Variants in CPEB3 observed in about 807,000 individuals in gnomAD.
The protein encoded by CPEB3 is cytoplasmic polyadenylation element-binding protein 3.
Under a neutral mutation model 67.2 loss-of-function variants are expected in CPEB3, and 20 were observed. The ratio of observed to expected loss-of-function variants is 0.30; its 90% CI spans 0.21 to 0.43. The LOEUF (loss-of-function observed/expected upper bound fraction) is 0.43, where lower values mean the gene tolerates loss of function less well. Ranked by LOEUF, CPEB3 falls within the 20% of genes least tolerant of loss-of-function variation. The pLI is 1.00. For missense variants in CPEB3, 746 were observed against 968.6 expected (o/e 0.77, Z 3.05); for synonymous variants, 376 against 393.1 (o/e 0.96, Z 0.51).
At chr10:92,145,413 G>C (rs1771990246) in intron 4 of CPEB3, among the ~76,000 whole-genome samples, 1 of 152,154 alleles carries the variant, frequency 6.6e-6, no homozygotes, top group African/African-American at 2.4e-5. Flanking sequence ...CGCATCACCT[G>C]AGGTCAGGAG....
intron 2 of CPEB3, among the ~76,000 whole-genome samples, chr10:92,223,571 T>C (rs1850803913): frequency 7.5e-6 from 1 of 132,926 alleles, no homozygotes; most frequent in African/African-American, 2.8e-5. Flanking sequence ...TTATTTCTTT[T>C]TTTTTTTTTT....
At chr10:92,196,867 G>A (rs1357014911) in intron 2 of CPEB3, among the ~76,000 whole-genome samples, 2 of 151,934 alleles carry the variant, frequency 1.3e-5, no homozygotes, top group Admixed American at 6.6e-5. Context: ...GGGAGGTGGA[G>A]GTTGCAGTGA....
chr10:92,077,162 A>G (rs562054348), intron 9 of CPEB3, among the ~76,000 whole-genome samples: 1 of 152,336 alleles, frequency 6.6e-6, no homozygotes, highest in Non-Finnish European at 1.5e-5. Context: ...TACCTAAGGA[A>G]ATACAAAAGT....
chr10:92,157,605 A>T (rs1847267242), intron 4 of CPEB3, among the ~76,000 whole-genome samples: 1 of 152,176 alleles, frequency 6.6e-6, no homozygotes, highest in South Asian at 2.1e-4. Flanking sequence ...AGCTTCATTT[A>T]CTTCCGGGGT....
At chr10:92,220,924 C>T (rs1850670305) in intron 2 of CPEB3, among the ~76,000 whole-genome samples, 1 of 152,136 alleles carries the variant, frequency 6.6e-6, no homozygotes, top group African/African-American at 2.4e-5. Context: ...GAAAGTCTAC[C>T]AGTGAGACCC....
At chr10:92,170,674 G>C (rs867330220) in intron 4 of CPEB3, among the ~76,000 whole-genome samples, 1 of 152,088 alleles carries the variant, frequency 6.6e-6, no homozygotes, top group Non-Finnish European at 1.5e-5. Context: ...AGGAAGGGAG[G>C]GAGGGAGAGA....
At chr10:92,232,466 A>G (rs1407895661) in intron 2 of CPEB3, among the ~76,000 whole-genome samples, 1 of 152,010 alleles carries the variant, frequency 6.6e-6, no homozygotes, top group East Asian at 1.9e-4. Flanking sequence ...CCCTTGAAAT[A>G]CATCAAATTG....
intron 6 of CPEB3, among the ~76,000 whole-genome samples, chr10:92,131,753 G>C (rs1845852281): frequency 6.6e-6 from 1 of 152,098 alleles, no homozygotes. Context: ...CAATTCTGTG[G>C]GCCATTTTGG....
chr10:92,091,903 T>C lies in CPEB3; in HGVS notation c.1614A>G (p.Val538=), dbSNP rs1421108646. The C allele has an allele frequency of 4.3e-6, 7 of 1,613,780 alleles. No homozygotes were observed. Among genetic ancestry groups the C allele is most frequent in the Non-Finnish European group, 5.9e-6 (7 of 1,179,950 alleles). Residue 538 remains valine (V), a synonymous_variant, in exon 8 of 10, where the codon GTA becomes GTG. Transcript: ENST00000265997. Reference sequence around the variant, plus strand: ...GGTCCAAAGGCTGAGAACCATCCATTACAAAGTCACTGTCACTTAGGTTCC... The same window carrying C: ...GGTCCAAAGGCTGAGAACCATCCATCACAAAGTCACTGTCACTTAGGTTCC... ...RPWNLSDSDF[V]MDGSQPLDPR... is the part of the protein sequence containing the mutation.
chr10:92,224,170 G>A lies in CPEB3; in HGVS notation c.1005+15176C>T, dbSNP rs536460319. The stretch of plus-strand genomic sequence containing the variant: ...CCACCACAGCCTCCCAAAGTGCTGG[G>A]ATTACAGGCGTGAGCCACCGTGCCC... On this transcript the variant is annotated intron_variant, in intron 2 of 9. Coordinates refer to ENST00000265997, the MANE Select transcript of CPEB3 (RefSeq NM_014912.5). 2.6e-5 allele frequency among the ~76,000 whole-genome samples: 4 copies of A among 152,304 alleles called. No homozygotes were observed. In the East Asian group the frequency reaches 7.7e-4, roughly 29 times the overall value.
intron 2 of CPEB3, among the ~76,000 whole-genome samples, chr10:92,223,084 C>G (rs1418396552): frequency 6.6e-6 from 1 of 152,146 alleles, no homozygotes; most frequent in Non-Finnish European, 1.5e-5. Flanking sequence ...CTGTCCTTTG[C>G]AAAGCCAGGC....
rs1841879885 is a variant in CPEB3, at chr10:92,051,015, C to T, written c.*1197G>A. On this transcript the variant is annotated 3_prime_UTR_variant, in exon 10 of 10. Transcript: ENST00000265997. ...ATCACAGTTAGACATAATCACTTTA[C>T]TATATAAAATAAATTTCACAATATA... is the stretch of plus-strand genomic sequence containing the variant. 2 of 152,582 alleles carry T rather than the reference C, an allele frequency of 1.3e-5. No homozygotes were observed. Among genetic ancestry groups the T allele is most frequent in the Non-Finnish European group, 2.9e-5 (2 of 68,032 alleles). 9.5% of individuals were successfully genotyped at this position (152,582 alleles called of 1,614,324 possible). A position where few individuals can be genotyped will look rare whatever the true frequency, so the allele number is the denominator to read the frequency against.
chr10:92,105,833 C>T (rs1844421209), intron 7 of CPEB3, among the ~76,000 whole-genome samples: 2 of 151,320 alleles, frequency 1.3e-5, no homozygotes, highest in Non-Finnish European at 2.9e-5. Flanking sequence ...AATTCTGCCA[C>T]AGCCCACCAG....
intron 2 of CPEB3, among the ~76,000 whole-genome samples, chr10:92,212,621 G>A (rs576001421): frequency 6.6e-6 from 1 of 152,200 alleles, no homozygotes; most frequent in African/African-American, 2.4e-5. Context: ...TTGAAATGTC[G>A]CTAGAATAAA....
At chr10:92,161,554 T>G (rs767835444) in intron 4 of CPEB3, among the ~76,000 whole-genome samples, 1 of 152,132 alleles carries the variant, frequency 6.6e-6, no homozygotes, top group Non-Finnish European at 1.5e-5. Context: ...ATTACAGGCA[T>G]GAGCCACCGC....
At chr10:92,233,791 C>A (rs1851388513) in intron 2 of CPEB3, among the ~76,000 whole-genome samples, 2 of 152,034 alleles carry the variant, frequency 1.3e-5, no homozygotes, top group African/African-American at 4.8e-5. Flanking sequence ...CTTGCAATCA[C>A]CTTTAACTTG....
intron 4 of CPEB3, among the ~76,000 whole-genome samples, chr10:92,156,323 G>A (rs947755121): frequency 1.3e-5 from 2 of 152,128 alleles, no homozygotes; most frequent in African/African-American, 4.8e-5. Flanking sequence ...AGATGAAGTG[G>A]GAAAAATGAA....
intron 1 of CPEB3, among the ~76,000 whole-genome samples, chr10:92,261,355 G>A (rs1297727302): frequency 6.6e-6 from 1 of 152,128 alleles, no homozygotes; most frequent in African/African-American, 2.4e-5. Flanking sequence ...AGTGAAGACT[G>A]AAATTTAGAC....
At chr10:92,084,769 C>T (rs57415263) in intron 8 of CPEB3, among the ~76,000 whole-genome samples, 2 of 152,024 alleles carry the variant, frequency 1.3e-5, no homozygotes, top group Non-Finnish European at 1.5e-5. Flanking sequence ...TTAGTAGAGA[C>T]TGGGTTTCAC....
Sources: allele counts gnomAD v4.1 joint callset (sites outside exome capture counted in the v4.1 genomes callset), GRCh38; gene constraint gnomAD v4.1.1; transcripts MANE v1.5; gene names NCBI Gene and HGNC (gene_info 2026-07-23, HGNC 2026-07-21).